MAD1L1: variants seen among roughly 807,000 people sequenced by gnomAD.
The protein encoded by MAD1L1 is mitotic spindle assembly checkpoint protein MAD1.
A neutral mutation model predicts 96.9 loss-of-function variants in MAD1L1; 95 were observed. The ratio of observed to expected loss-of-function variants is 0.98; its 90% CI spans 0.83 to 1.16. The LOEUF (loss-of-function observed/expected upper bound fraction) is 1.16, where lower values mean the gene tolerates loss of function less well. Among genes scored for constraint, MAD1L1 ranks in the 50% most tolerant of loss-of-function variants. The pLI, the probability that MAD1L1 is intolerant of heterozygous loss-of-function variation, is 0.00. For synonymous variants in MAD1L1, 473 were observed against 396.6 expected (o/e 1.19, Z -2.29); for missense variants, 1,007 against 954.4 (o/e 1.06, Z -0.73).
At chr7:2,099,554 C>G (rs1489769032) in intron 11 of MAD1L1, among the ~76,000 whole-genome samples, 1 of 152,204 alleles carries the variant, frequency 6.6e-6, no homozygotes, top group Non-Finnish European at 1.5e-5. Flanking sequence ...CTTTACTGTA[C>G]TAACAACCCG....
intron 18 of MAD1L1, among the ~76,000 whole-genome samples, chr7:1,828,494 C>T (rs757971429): frequency 2.6e-5 from 4 of 152,142 alleles, no homozygotes; most frequent in Non-Finnish European, 4.4e-5. Flanking sequence ...TGCCTGTCTC[C>T]GGCAGCCTCG....
At chr7:2,086,626 C>A (rs1269083510) in intron 11 of MAD1L1, among the ~76,000 whole-genome samples, 1 of 152,256 alleles carries the variant, frequency 6.6e-6, no homozygotes, top group Non-Finnish European at 1.5e-5. Context: ...ACGCTCTCGG[C>A]TCACTGCAAC....
Position 1,966,230 on chromosome 7 carries a change from C to G in MAD1L1, c.1506-8511G>C, listed in dbSNP as rs546565833. Among the ~76,000 whole-genome samples the G allele has an allele frequency of 2.2e-4, 34 of 152,362 alleles. No individual in the cohort carries two copies. In the South Asian group the frequency reaches 6.6e-3, roughly 30 times the overall value. The stretch of plus-strand genomic sequence containing the variant: ...AGAAACCACCCAGGTCGGCTCACTG[C>G]TAAACTAAAACACTCTCATTTCTCA... On this transcript the variant is annotated intron_variant, in intron 15 of 18. Coordinates refer to ENST00000265854, the MANE Select transcript of MAD1L1 (RefSeq NM_001013836.2).
rs1434077757 is a variant in MAD1L1, at chr7:1,874,417, G to A, written c.1998+23783C>T. The A allele has an allele frequency of 4.5e-5, 19 of 419,232 alleles. No individual in the cohort carries two copies. In the East Asian group the frequency reaches 1.1e-3, roughly 25 times the overall value. The allele number at this position is 419,232 out of a possible 1,614,324, so 26.0% of individuals were successfully genotyped here. ...ACGGGGGTAAGACGGTGGCCAGGCC[G>A]TGACATCGAGGGTAGCACCCGCCGT... On this transcript the variant is annotated intron_variant, in intron 18 of 18. Coordinates refer to ENST00000265854, the MANE Select transcript of MAD1L1 (RefSeq NM_001013836.2).
At chr7:2,018,397 G>A (rs1020255087) in intron 12 of MAD1L1, among the ~76,000 whole-genome samples, 3 of 152,162 alleles carry the variant, frequency 2.0e-5, no homozygotes, top group South Asian at 4.1e-4. Context: ...TTCTGTCCTC[G>A]CTGCTGTCTG....
At chr7:2,203,368 C>T (rs1401537620) in intron 10 of MAD1L1, among the ~76,000 whole-genome samples, 3 of 152,248 alleles carry the variant, frequency 2.0e-5, no homozygotes, top group Admixed American at 1.3e-4. Context: ...TCTCTAGAAA[C>T]GTTGAAAGCA....
intron 11 of MAD1L1, among the ~76,000 whole-genome samples, chr7:2,132,882 G>T (rs1788585255): frequency 6.6e-6 from 1 of 152,232 alleles, no homozygotes; most frequent in African/African-American, 2.4e-5. Context: ...CTGAGAGGAG[G>T]GGTTTGGGCC....
At chr7:2,104,438 T>C (rs1392263822) in intron 11 of MAD1L1, among the ~76,000 whole-genome samples, 4 of 152,256 alleles carry the variant, frequency 2.6e-5, no homozygotes, top group Admixed American at 2.6e-4. Flanking sequence ...GTCAGATCCC[T>C]GACCCGCATG....
chr7:2,098,313 C>T (rs1357909027), intron 11 of MAD1L1, among the ~76,000 whole-genome samples: 1 of 152,190 alleles, frequency 6.6e-6, no homozygotes, highest in Non-Finnish European at 1.5e-5. Flanking sequence ...ACCCTCCGTC[C>T]ACAGATGAGG....
At chr7:1,927,392 G>A (rs768449685) in intron 17 of MAD1L1, among the ~76,000 whole-genome samples, 3 of 152,182 alleles carry the variant, frequency 2.0e-5, no homozygotes, top group Non-Finnish European at 4.4e-5. Context: ...TGTAAATCTT[G>A]TCCATAAAGT....
At chr7:1,907,680 G>A (rs1441739056) in intron 17 of MAD1L1, among the ~76,000 whole-genome samples, 1 of 152,256 alleles carries the variant, frequency 6.6e-6, no homozygotes, top group Non-Finnish European at 1.5e-5. Flanking sequence ...AGGAGTGGGG[G>A]AAACATCACC....
At chr7:2,015,243 C>T (rs762259410) in intron 12 of MAD1L1, among the ~76,000 whole-genome samples, 20 of 152,190 alleles carry the variant, frequency 1.3e-4, no homozygotes, top group African/African-American at 1.9e-4. Flanking sequence ...CCAGGGCTCT[C>T]GGGAAGGCTG....
At chr7:2,053,653 C>T (rs1055843440) in intron 12 of MAD1L1, among the ~76,000 whole-genome samples, 2 of 152,140 alleles carry the variant, frequency 1.3e-5, no homozygotes, top group Admixed American at 6.5e-5. Context: ...CCTGGGGACA[C>T]GGGTTATGGG....
At chr7:1,929,395 C>A (rs1247321055) in intron 17 of MAD1L1, among the ~76,000 whole-genome samples, 6 of 152,180 alleles carry the variant, frequency 3.9e-5, no homozygotes, top group African/African-American at 7.2e-5. Context: ...CTGGCCCAGC[C>A]TGGACGTGGC....
rs1025154735 is a variant in MAD1L1 at position 1,861,877 on chromosome 7, C to T, written c.1998+36323G>A. On this transcript the variant is annotated intron_variant, in intron 18 of 18. Transcript: ENST00000265854. Reference sequence around the variant, plus strand: ...TTGGAGGGACACTGCTCCGCCTGCCCCCTGGTTGGAGGGACACTGCTCCGC... The same window carrying T: ...TTGGAGGGACACTGCTCCGCCTGCCTCCTGGTTGGAGGGACACTGCTCCGC... Among the ~76,000 whole-genome samples the T allele has an allele frequency of 2.7e-3, 391 of 147,054 alleles. 2 individuals are homozygous for T. The highest frequency in any genetic ancestry group is 3.5e-3 in the Middle Eastern group (1 of 286).
intron 12 of MAD1L1, among the ~76,000 whole-genome samples, chr7:2,060,020 T>C (rs563003318): frequency 2.0e-5 from 3 of 152,242 alleles, no homozygotes; most frequent in African/African-American, 7.2e-5. Flanking sequence ...GTGGCATTCA[T>C]GGTTCACAAG....
intron 17 of MAD1L1, among the ~76,000 whole-genome samples, chr7:1,904,468 A>T (rs1198826242): frequency 1.5e-5 from 2 of 137,722 alleles, no homozygotes. Flanking sequence ...TTGATCAAGC[A>T]CTGTTCCAGG....
In MAD1L1 at chr7:2,219,253, C is replaced by T. The variant is rs1000461875; in HGVS notation, c.596+79G>A. ...CATCTGGGAGTGTATCCACATCCCACCCAGCCACCAGGAGAGAGGTGGGAC... is the reference window on the plus strand; with the variant it reads ...CATCTGGGAGTGTATCCACATCCCATCCAGCCACCAGGAGAGAGGTGGGAC... On this transcript the variant is annotated intron_variant, in intron 6 of 18. Coordinates refer to ENST00000265854, the MANE Select transcript of MAD1L1 (RefSeq NM_001013836.2). The T allele has an allele frequency of 3.0e-5, 41 of 1,363,446 alleles. 1 individual carries two copies. The highest frequency in any genetic ancestry group is 6.4e-5 in the Admixed American group (3 of 46,998). The allele number at this position is 1,363,446 out of a possible 1,614,324, so 84.5% of individuals were successfully genotyped here.
At chr7:2,068,181 G>A (rs1196209173) in intron 12 of MAD1L1, among the ~76,000 whole-genome samples, 2 of 152,188 alleles carry the variant, frequency 1.3e-5, no homozygotes, top group Non-Finnish European at 2.9e-5. Context: ...AGGGCTTTGG[G>A]GTCAGCATCT....
Sources: gnomAD v4.1 joint callset for allele counts (sites outside exome capture counted in the v4.1 genomes callset) on GRCh38, gnomAD v4.1.1 for gene constraint, MANE v1.5 for transcripts, NCBI Gene and HGNC (gene_info 2026-07-23, HGNC 2026-07-21) for gene names.